RSBN1: variants seen among roughly 807,000 people sequenced by gnomAD.
RSBN1 encodes lysine-specific demethylase 9.
In RSBN1, 23 loss-of-function variants were observed where a neutral mutation model predicts 74.8. That is an observed-to-expected ratio of 0.31 (90% confidence interval 0.22 to 0.44). The LOEUF (loss-of-function observed/expected upper bound fraction) is 0.44. Ranked by LOEUF, RSBN1 falls within the 20% of genes least tolerant of loss-of-function variation. RSBN1 has a pLI of 1.00. For missense variants in RSBN1, 808 were observed against 1,020.9 expected, an observed-to-expected ratio of 0.79 and a Z score of 2.84; for synonymous variants, 407 against 379.6, an observed-to-expected ratio of 1.07 and a Z score of -0.84.
At chr1:113,806,138 C>A (rs147310971) in intron 1 of RSBN1, among the ~76,000 whole-genome samples, 1 of 151,950 alleles carries the variant, frequency 6.6e-6, no homozygotes, top group Non-Finnish European at 1.5e-5. Context: ...GAGTTTGAGA[C>A]CAGTCTGGCC....
chr1:113,811,921 G>T lies in RSBN1; in HGVS notation c.492C>A (p.Ala164=). 2 of 1,604,562 alleles carry T rather than the reference G, an allele frequency of 1.2e-6. No homozygotes were observed. The highest frequency in any genetic ancestry group is 1.7e-6 in the Non-Finnish European group (2 of 1,175,086). Residue 164 remains alanine, a synonymous_variant, in exon 1 of 7, where the codon GCC becomes GCA. Coordinates refer to ENST00000261441, the MANE Select transcript of RSBN1 (RefSeq NM_018364.5). The part of the protein sequence containing the change: ...AGPAVAAPLP[A]PSTSALFTFS... Reference sequence around the variant, plus strand: ...AGGTGAAGAGGGCCGAGGTGCTTGGGGCCGGGAGAGGGGCAGCGACAGCGG... The same window carrying T: ...AGGTGAAGAGGGCCGAGGTGCTTGGTGCCGGGAGAGGGGCAGCGACAGCGG...
intron 1 of RSBN1, among the ~76,000 whole-genome samples, chr1:113,808,068 T>C (rs1660748403): frequency 6.6e-6 from 1 of 152,038 alleles, no homozygotes; most frequent in Non-Finnish European, 1.5e-5. Flanking sequence ...CTGACAGGAA[T>C]GTAAAATGGT....
At chr1:113,771,669 G>A (rs929499015) in intron 4 of RSBN1, among the ~76,000 whole-genome samples, 5 of 151,468 alleles carry the variant, frequency 3.3e-5, no homozygotes, top group African/African-American at 7.3e-5. Flanking sequence ...GAAAGTCAGC[G>A]TGGTTCTGGA....
At chr1:113,810,901 T>C (rs1422308194) in intron 1 of RSBN1, among the ~76,000 whole-genome samples, 1 of 152,248 alleles carries the variant, frequency 6.6e-6, no homozygotes, top group African/African-American at 2.4e-5. Context: ...ACATCAGTTC[T>C]GGCCAATCTA....
intron 1 of RSBN1, among the ~76,000 whole-genome samples, chr1:113,800,137 A>C (rs1327794038): frequency 6.6e-6 from 1 of 152,204 alleles, no homozygotes; most frequent in African/African-American, 2.4e-5. Flanking sequence ...GAAACCTTCT[A>C]AAGAAAATAC....
intron 4 of RSBN1, among the ~76,000 whole-genome samples, chr1:113,775,418 T>C (rs1239726733): frequency 6.6e-6 from 1 of 152,034 alleles, no homozygotes; most frequent in Non-Finnish European, 1.5e-5. Flanking sequence ...CTCAGCTCAC[T>C]GCGACCTCGG....
chr1:113,802,251 C>T (rs1314250435), intron 1 of RSBN1, among the ~76,000 whole-genome samples: 3 of 151,402 alleles, frequency 2.0e-5, no homozygotes, highest in African/African-American at 7.3e-5. Context: ...CCACCATGCC[C>T]GGCCTACAAA....
chr1:113,811,735 C>A lies in RSBN1; in HGVS notation c.678G>T (p.Val226=). Residue 226 remains valine, a synonymous_variant, in exon 1 of 7, where the codon GTG becomes GTT. Coordinates refer to ENST00000261441, the MANE Select transcript of RSBN1 (RefSeq NM_018364.5). ...CTCTCTTGGGGGCTTTGATCAGAGG[C>A]ACCCCTCCAGTCCTCTCGCCGTTTT... The part of the protein sequence containing the change: ...KQENGERTGG[V]PLIKAPKRET... The A allele has an allele frequency of 2.5e-6, 4 of 1,605,714 alleles. No individual in the cohort carries two copies. Among genetic ancestry groups the A allele is most frequent in the South Asian group, 1.1e-5 (1 of 89,764 alleles).
Position 113,771,255 on chromosome 1 carries a change from T to G in RSBN1, c.1659-2866A>C, listed in dbSNP as rs553235097. On this transcript the variant is annotated intron_variant, in intron 4 of 6. Transcript: ENST00000261441. The stretch of plus-strand genomic sequence containing the variant: ...AAACACTAAGAGACAACACAACTTC[T>G]GGACTTCAGCTAAATTATAAATCAT... Among the ~76,000 whole-genome samples, 32 of 152,262 alleles carry G rather than the reference T, an allele frequency of 2.1e-4. No individual in the cohort carries two copies. The Middle Eastern group carries it at 0.014, about 65-fold the overall frequency.
intron 1 of RSBN1, among the ~76,000 whole-genome samples, chr1:113,802,631 C>A (rs1317785640): frequency 6.6e-6 from 1 of 152,024 alleles, no homozygotes; most frequent in Non-Finnish European, 1.5e-5. Flanking sequence ...AGGTTTAAAT[C>A]CCTGTTCTAT....
chr1:113,798,397 A>C (rs899104239), intron 1 of RSBN1, among the ~76,000 whole-genome samples: 1 of 152,200 alleles, frequency 6.6e-6, no homozygotes, highest in Non-Finnish European at 1.5e-5. Context: ...ATGTAACAAC[A>C]TAGATTCTTT....
At chr1:113,785,705 G>C (rs892511315) in intron 2 of RSBN1, among the ~76,000 whole-genome samples, 1 of 152,166 alleles carries the variant, frequency 6.6e-6, no homozygotes, top group Non-Finnish European at 1.5e-5. Context: ...ATCCTGATCC[G>C]GGGAATAAAG....
In RSBN1 at chr1:113,766,334, C is replaced by T. The variant is rs749828600; in HGVS notation, c.2055G>A (p.Gln685=). 3 of 1,613,978 alleles carry T rather than the reference C, an allele frequency of 1.9e-6. No individual in the cohort carries two copies. Among genetic ancestry groups the T allele is most frequent in the Non-Finnish European group, 2.5e-6 (3 of 1,179,968 alleles). Residue 685 remains glutamine (Q), a synonymous_variant, in exon 7 of 7, where the codon CAG becomes CAA. Coordinates refer to ENST00000261441, the MANE Select transcript of RSBN1 (RefSeq NM_018364.5). The stretch of plus-strand genomic sequence containing the variant: ...TGCACACCGCCGAAACTGTTTTGAA[C>T]TGATGAATGACATTTCTAGGGATGA... The part of the protein sequence containing the change: ...IYFIPRNVIH[Q]FKTVSAVCSL...
intron 2 of RSBN1, among the ~76,000 whole-genome samples, chr1:113,790,103 G>A (rs1028315282): frequency 5.3e-5 from 8 of 152,024 alleles, no homozygotes; most frequent in African/African-American, 7.3e-5. Flanking sequence ...AAAAAAAAGC[G>A]GGGGAAAGAC....
At position 113,812,090 on chromosome 1, in the gene RSBN1, G is replaced by C. The variant is rs763400009; in HGVS notation, c.323C>G (p.Pro108Arg). Residue 108 changes from proline (P) to arginine (R), a missense_variant, in exon 1 of 7, where the codon CCT becomes CGT. This residue lies in a region of RSBN1 where 464 missense variants were observed against 401.0 expected (regional missense o/e 1.16). Transcript: ENST00000261441. ...EKRGRPSQEPPLAPPHRRRRS... is the reference protein window; with the variant it reads ...EKRGRPSQEPRLAPPHRRRRS... ...ACGCCGCCGGTGAGGGGGAGCGAGA[G>C]GGGGCTCCTGGCTCGGCCGCCCCCG... 19 of 1,590,710 alleles carry C rather than the reference G, an allele frequency of 1.2e-5. No individual in the cohort carries two copies. The highest frequency in any genetic ancestry group is 1.5e-5 in the Non-Finnish European group (17 of 1,170,130).
intron 1 of RSBN1, among the ~76,000 whole-genome samples, chr1:113,810,787 A>G (rs773039617): frequency 6.6e-6 from 1 of 152,248 alleles, no homozygotes; most frequent in Non-Finnish European, 1.5e-5. Context: ...CTAGTAAATT[A>G]TATAAAATAA....
At position 113,797,634 on chromosome 1, in the gene RSBN1, C is replaced by T; in HGVS notation, c.1106G>A (p.Gly369Asp). The change falls in exon 2 of 7, where the codon GGT becomes GAT. Residue 369 changes from glycine (G) to aspartate (D), a missense_variant. Physicochemically the swap from Gly to Asp is moderately conservative, Grantham distance 94. Transcript: ENST00000261441. ...CATGTAAGCATGAAGGACAAGAGCA[C>T]CACCATTGGACTGGTGTTCCTCATG... ...FIHEEHQSNG[G>D]ALVLHAYMDE... 2 of 1,614,010 alleles carry T rather than the reference C, an allele frequency of 1.2e-6. No individual in the cohort carries two copies. Among genetic ancestry groups the T allele is most frequent in the Non-Finnish European group, 1.7e-6 (2 of 1,179,974 alleles).
intron 1 of RSBN1, among the ~76,000 whole-genome samples, chr1:113,802,824 C>G (rs931862706): frequency 3.9e-5 from 6 of 152,048 alleles, no homozygotes; most frequent in Non-Finnish European, 7.4e-5. Context: ...CTTGTTACAA[C>G]TGATAAGTCT....
At chr1:113,798,583 TG>T (rs1367373765) in intron 1 of RSBN1, among the ~76,000 whole-genome samples, 5 of 152,322 alleles carry the variant, frequency 3.3e-5, no homozygotes, top group African/African-American at 1.2e-4. Context: ...CTACTACTGC[TG>T]GAAGTATAAA....
Sources: allele counts gnomAD v4.1 joint callset (sites outside exome capture counted in the v4.1 genomes callset), GRCh38; gene constraint gnomAD v4.1.1; regional missense constraint gnomAD v4.1.1; transcripts MANE v1.5; gene names NCBI Gene and HGNC (gene_info 2026-07-23, HGNC 2026-07-21).